Variants in LMX1A observed in about 807,000 individuals in gnomAD.
The protein encoded by LMX1A is LIM homeobox transcription factor 1-alpha.
Under a neutral mutation model 49.1 loss-of-function variants are expected in LMX1A, and 15 were observed. The ratio of observed to expected loss-of-function variants is 0.31; its 90% CI spans 0.20 to 0.47. LMX1A has a LOEUF of 0.47. LMX1A is among the 20% of genes least tolerant of loss of function. The probability of loss-of-function intolerance (pLI) is 1.00; values close to 1 mark genes in which losing one functional copy is unlikely to be tolerated. For missense variants in LMX1A, 372 were observed against 475.8 expected (o/e 0.78, Z 2.03); for synonymous variants, 167 against 185.7 (o/e 0.90, Z 0.82).
Position 165,291,820 on chromosome 1 carries a change from T to C in LMX1A, c.264-42180A>G, listed in dbSNP as rs185804199. On this transcript the variant is annotated intron_variant, in intron 3 of 8. Transcript: ENST00000342310. ...GGCTCACGCCTGTAATCCCAGCACT[T>C]TGGGAGGCCGAGACGGGCGGATCAC... is the stretch of plus-strand genomic sequence containing the variant. 6.7e-3 allele frequency among the ~76,000 whole-genome samples: 1,019 copies of C among 152,010 alleles called. 10 individuals carry two copies. Among genetic ancestry groups the C allele is most frequent in the African/African-American group, 0.023 (944 of 41,466 alleles).
In LMX1A at chr1:165,355,414, G is replaced by C. The variant is rs1656573716; in HGVS notation, c.76+70C>G. 1 of 1,489,364 alleles carries C rather than the reference G, an allele frequency of 6.7e-7. No homozygotes were observed. The highest frequency in any genetic ancestry group is 1.4e-5 in the African/African-American group (1 of 72,612). The allele number at this position is 1,489,364 out of a possible 1,614,324, so 92.3% of individuals were successfully genotyped here. On this transcript the variant is annotated intron_variant, in intron 2 of 8. Transcript: ENST00000342310. This position sits in a 1 kb window ranked among gnomAD's most constrained non-coding sequence, Gnocchi z 4.7. ...TCCCTATCGCGGACCAGGTCCCAGAGAGCGGGGCTCCAGAGCTCAGCGCCA... is the reference window on the plus strand; with the variant it reads ...TCCCTATCGCGGACCAGGTCCCAGACAGCGGGGCTCCAGAGCTCAGCGCCA...
intron 3 of LMX1A, among the ~76,000 whole-genome samples, chr1:165,283,352 T>C (rs765485210): frequency 9.9e-5 from 15 of 152,208 alleles, no homozygotes; most frequent in Non-Finnish European, 1.8e-4. Flanking sequence ...CATGACAGAA[T>C]CTCCTAACAA....
At chr1:165,352,375 C>A (rs1488197820) in intron 3 of LMX1A, among the ~76,000 whole-genome samples, 2 of 152,210 alleles carry the variant, frequency 1.3e-5, no homozygotes, top group Admixed American at 6.5e-5. Flanking sequence ...ACTAGGATGG[C>A]GGCACAGGTT....
intron 4 of LMX1A, among the ~76,000 whole-genome samples, chr1:165,232,775 C>A (rs761150069): frequency 6.6e-6 from 1 of 152,112 alleles, no homozygotes. Context: ...CTTCAAGAAC[C>A]AAAACTCCCT....
At chr1:165,306,946 C>T (rs1362182894) in intron 3 of LMX1A, among the ~76,000 whole-genome samples, 2 of 152,226 alleles carry the variant, frequency 1.3e-5, no homozygotes, top group African/African-American at 4.8e-5. Context: ...AGGAGAGGGG[C>T]TCAGCCTGAG....
intron 4 of LMX1A, among the ~76,000 whole-genome samples, chr1:165,231,821 T>G (rs529169732): frequency 1.3e-5 from 2 of 152,198 alleles, no homozygotes; most frequent in East Asian, 3.9e-4. Context: ...ATAATTTGAG[T>G]ATTCTAACAC....
At chr1:165,247,869 G>T (rs563909502) in intron 4 of LMX1A, among the ~76,000 whole-genome samples, 1 of 152,148 alleles carries the variant, frequency 6.6e-6, no homozygotes, top group South Asian at 2.1e-4. Flanking sequence ...CCTGGCTAAG[G>T]CACCCCACTT....
At chr1:165,260,009 T>A (rs536997682) in intron 3 of LMX1A, among the ~76,000 whole-genome samples, 1 of 152,308 alleles carries the variant, frequency 6.6e-6, no homozygotes. Flanking sequence ...CAAGCCAAGG[T>A]GGCACAACTT....
Position 165,221,278 on chromosome 1 carries a change from CTGGAGGGGG to C in LMX1A, c.497-7474_497-7466del, listed in dbSNP as rs544774213. ...AGTGAAGAAAGAAAGGGAAGGCTTTCTGGAGGGGGTGAAAGGTTGACCCTGAGCTCCTGC... is the reference window on the plus strand; with the variant it reads ...AGTGAAGAAAGAAAGGGAAGGCTTTCTGAAAGGTTGACCCTGAGCTCCTGC... On this transcript the variant is annotated intron_variant, in intron 4 of 8. Coordinates refer to ENST00000342310, the MANE Select transcript of LMX1A (RefSeq NM_177398.4). Among the ~76,000 whole-genome samples, 1,004 of 152,172 alleles carry C rather than the reference CTGGAGGGGG, an allele frequency of 6.6e-3. 10 individuals are homozygous for C. Among genetic ancestry groups the C allele is most frequent in the African/African-American group, 0.023 (965 of 41,522 alleles).
At chr1:165,250,222 C>T (rs758483227) in intron 3 of LMX1A, among the ~76,000 whole-genome samples, 5 of 151,886 alleles carry the variant, frequency 3.3e-5, no homozygotes, top group Non-Finnish European at 5.9e-5. Context: ...TGCACATGTA[C>T]CCCAGAACTT....
chr1:165,306,002 C>A (rs1346101234), intron 3 of LMX1A, among the ~76,000 whole-genome samples: 1 of 152,170 alleles, frequency 6.6e-6, no homozygotes, highest in Non-Finnish European at 1.5e-5. Flanking sequence ...GCGTTACTAG[C>A]ATGAACGTCA....
At chr1:165,227,883 G>T (rs911672099) in intron 4 of LMX1A, among the ~76,000 whole-genome samples, 1 of 152,046 alleles carries the variant, frequency 6.6e-6, no homozygotes, top group Non-Finnish European at 1.5e-5. Context: ...TTAGTCACAA[G>T]CTAGGGAGAT....
intron 3 of LMX1A, among the ~76,000 whole-genome samples, chr1:165,322,620 A>ATTTATAAAG (rs1655452038): frequency 6.6e-6 from 1 of 152,190 alleles, no homozygotes; most frequent in Non-Finnish European, 1.5e-5. Flanking sequence ...AAATATCCAG[A>ATTTATAAAG]ATAGGCAAAT....
In LMX1A at chr1:165,355,664, A is replaced by G. The variant is rs1656584782; in HGVS notation, c.-22-83T>C. The stretch of plus-strand genomic sequence containing the variant: ...GCAGCCACCGCACTCCTGGGAAAGA[A>G]CTGAGGGAGTGTCCAGGGCGACCAG... On this transcript the variant is annotated intron_variant, in intron 1 of 8. Coordinates refer to ENST00000342310, the MANE Select transcript of LMX1A (RefSeq NM_177398.4). The surrounding 1 kb of genome is among the most constrained non-coding windows in gnomAD (Gnocchi z 4.7). 4 of 1,034,768 alleles carry G rather than the reference A, an allele frequency of 3.9e-6. No individual in the cohort carries two copies. The highest frequency in any genetic ancestry group is 3.2e-5 in the African/African-American group (2 of 63,404). 64.1% of individuals were successfully genotyped at this position (1,034,768 alleles called of 1,614,324 possible).
At chr1:165,273,384 G>A (rs1400810106) in intron 3 of LMX1A, among the ~76,000 whole-genome samples, 1 of 152,112 alleles carries the variant, frequency 6.6e-6, no homozygotes, top group Non-Finnish European at 1.5e-5. Flanking sequence ...CAAGTCCCAA[G>A]ACACACAATC....
At chr1:165,271,342 A>G (rs1391517362) in intron 3 of LMX1A, among the ~76,000 whole-genome samples, 2 of 152,230 alleles carry the variant, frequency 1.3e-5, no homozygotes, top group East Asian at 3.8e-4. Context: ...CCAAAGATAG[A>G]GAGAGGCTGG....
chr1:165,313,471 C>CTTTTTT (rs34912339), intron 3 of LMX1A, among the ~76,000 whole-genome samples: 656 of 113,934 alleles, frequency 5.8e-3, no homozygotes, highest in East Asian at 0.012. Context: ...CACCTTCTTC[C>CTTTTTT]TTTTTTTTTT....
At chr1:165,262,368 T>A (rs1449685978) in intron 3 of LMX1A, among the ~76,000 whole-genome samples, 1 of 152,240 alleles carries the variant, frequency 6.6e-6, no homozygotes, top group East Asian at 1.9e-4. Flanking sequence ...ACTAAGAGAA[T>A]GAAAGCTACC....
intron 4 of LMX1A, among the ~76,000 whole-genome samples, chr1:165,231,784 TA>T (rs34597024): frequency 0.55 from 82,965 of 151,712 alleles, 23,352 homozygotes; most frequent in East Asian, 0.79. Flanking sequence ...TTACCTGTTC[TA>T]AAAAAAAATC....
Sources: allele counts gnomAD v4.1 joint callset (sites outside exome capture counted in the v4.1 genomes callset), GRCh38; gene constraint gnomAD v4.1.1; non-coding constraint Gnocchi (gnomAD v3.1); transcripts MANE v1.5; gene names NCBI Gene and HGNC (gene_info 2026-07-23, HGNC 2026-07-21).